KIAA0825: variants seen among roughly 807,000 people sequenced by gnomAD.
KIAA0825 encodes uncharacterized protein KIAA0825.
A neutral mutation model predicts 147.6 loss-of-function variants in KIAA0825; 119 were observed. That is an observed-to-expected ratio of 0.81 (90% CI 0.69 to 0.94). The LOEUF is 0.94. Ranked by LOEUF, KIAA0825 falls within the 40% of genes least tolerant of loss-of-function variation. The pLI is 0.00. For missense variants in KIAA0825, 1,381 were observed against 1,472.7 expected (o/e 0.94, Z 1.02); for synonymous variants, 470 against 518.1 (o/e 0.91, Z 1.26).
intron 15 of KIAA0825, among the ~76,000 whole-genome samples, chr5:94,407,799 G>C (rs894154271): frequency 4.6e-5 from 7 of 152,256 alleles, no homozygotes; most frequent in East Asian, 1.9e-4. Flanking sequence ...ACTGAACTGT[G>C]ATATTTTTAC....
intron 1 of KIAA0825, chr5:94,592,871 G>A (rs574796355): frequency 3.9e-5 from 23 of 590,386 alleles, no homozygotes; most frequent in South Asian, 3.3e-4. Flanking sequence ...CGACTCATCA[G>A]TTGTGAACCA....
At chr5:94,357,003 G>A (rs540789672) in intron 20 of KIAA0825, among the ~76,000 whole-genome samples, 2 of 152,098 alleles carry the variant, frequency 1.3e-5, no homozygotes, top group Non-Finnish European at 2.9e-5. Context: ...GATTACAGGC[G>A]TGAGCCACTG....
intron 20 of KIAA0825, among the ~76,000 whole-genome samples, chr5:94,350,166 C>A (rs1355728239): frequency 6.6e-6 from 1 of 152,130 alleles, no homozygotes; most frequent in Non-Finnish European, 1.5e-5. Flanking sequence ...TGCACATAAA[C>A]TAGGAAACCT....
At chr5:94,295,700 AGTTTGCTGGAGGTCCAGTCCAGACCCT>A (rs1562354327) in intron 20 of KIAA0825, among the ~76,000 whole-genome samples, 1 of 152,092 alleles carries the variant, frequency 6.6e-6, no homozygotes, top group South Asian at 2.1e-4. Context: ...GGTCTGCTGG[AGTTTGCTGGAGGTCCAGTCCAGACCCT>A]GTTTGACTAG....
In KIAA0825 at chr5:94,520,675, T is replaced by C; in HGVS notation, c.543A>G (p.Glu181=). 6.2e-7 allele frequency: 1 copy of C among 1,613,490 alleles called. No individual in the cohort carries two copies. Among genetic ancestry groups the C allele is most frequent in the Admixed American group, 1.7e-5 (1 of 59,966 alleles). The change falls in exon 5 of 21, where the codon GAA becomes GAG. Residue 181 remains glutamate, a synonymous_variant. Transcript: ENST00000682413. ...FLVSKLQSHN[E]INNSQQKILL... is the part of the protein sequence containing the mutation. ...AAATTTTTTGCTGTGAATTGTTTAT[T>C]TCATTATGGCTTTGTAATTTGCTCA...
At chr5:94,204,066 A>G (rs1178662071) in intron 20 of KIAA0825, among the ~76,000 whole-genome samples, 1 of 152,210 alleles carries the variant, frequency 6.6e-6, no homozygotes, top group East Asian at 1.9e-4. Context: ...AATTCAGCTT[A>G]AAATTTTCTT....
rs1243839219 is a variant in KIAA0825, at chr5:94,197,101, C to A, written c.3711-42977G>T. On this transcript the variant is annotated intron_variant, in intron 20 of 20. Transcript: ENST00000682413. ...TCCCCACCAGCAGTGTATGAGCATT[C>A]CCATTTTGCCACACCTTGTCAACAT... Among the ~76,000 whole-genome samples the A allele has an allele frequency of 2.0e-5, 3 of 152,248 alleles. No homozygotes were observed. The South Asian group carries it at 6.2e-4, about 32-fold the overall frequency.
In KIAA0825 at chr5:94,154,075, GTAT is replaced by G; in HGVS notation, c.3757_3759del (p.Ile1253del). 1.3e-6 allele frequency: 2 copies of G among 1,551,636 alleles called. No individual in the cohort carries two copies. The highest frequency in any genetic ancestry group is 1.7e-6 in the Non-Finnish European group (2 of 1,146,934). ...GTGCAAATTTGTTTTAAGTGCTCCA[GTAT>G]TGCTTTTTCTTCCTCTTCTAGTGTT... On this transcript the variant is annotated inframe_deletion, in exon 21 of 21. Coordinates refer to ENST00000682413, the MANE Select transcript of KIAA0825 (RefSeq NM_001145678.3).
At chr5:94,485,841 T>G (rs769188740) in intron 5 of KIAA0825, among the ~76,000 whole-genome samples, 2 of 151,826 alleles carry the variant, frequency 1.3e-5, no homozygotes, top group Non-Finnish European at 3.0e-5. Flanking sequence ...TTAAGGTAGC[T>G]ATTGAATCTA....
intron 10 of KIAA0825, among the ~76,000 whole-genome samples, chr5:94,468,275 C>A (rs1733498442): frequency 6.6e-6 from 1 of 152,102 alleles, no homozygotes; most frequent in African/African-American, 2.4e-5. Context: ...AACATAATAC[C>A]CCTATGTTGA....
At chr5:94,554,452 G>T (rs899788591) in intron 2 of KIAA0825, among the ~76,000 whole-genome samples, 10 of 151,914 alleles carry the variant, frequency 6.6e-5, no homozygotes, top group Non-Finnish European at 1.3e-4. Flanking sequence ...TCTTAAATAT[G>T]CACCAGCCTT....
intron 20 of KIAA0825, among the ~76,000 whole-genome samples, chr5:94,229,263 G>C (rs1252377434): frequency 6.6e-6 from 1 of 152,124 alleles, no homozygotes; most frequent in East Asian, 1.9e-4. Flanking sequence ...CTATCATGCT[G>C]TCTGAATTTT....
Position 94,167,916 on chromosome 5 carries a change from T to C in KIAA0825, c.3711-13792A>G, listed in dbSNP as rs911988641. On this transcript the variant is annotated intron_variant, in intron 20 of 20. Transcript: ENST00000682413. ...CTCCCCACAATTTATTTTGACCTAATTGAATGCTTTAATATCCAGAAAATG... is the reference window on the plus strand; with the variant it reads ...CTCCCCACAATTTATTTTGACCTAACTGAATGCTTTAATATCCAGAAAATG... Among the ~76,000 whole-genome samples the C allele has an allele frequency of 1.8e-4, 28 of 151,862 alleles. 1 individual carries two copies. Among genetic ancestry groups the C allele is most frequent in the African/African-American group, 6.7e-4 (28 of 41,522 alleles).
intron 20 of KIAA0825, among the ~76,000 whole-genome samples, chr5:94,175,996 C>T (rs564548797): frequency 1.2e-4 from 19 of 152,090 alleles, no homozygotes; most frequent in South Asian, 1.2e-3. Context: ...TTCTGAATTC[C>T]GTATCAAATT....
intron 13 of KIAA0825, among the ~76,000 whole-genome samples, chr5:94,446,058 T>C (rs1451250678): frequency 6.6e-6 from 1 of 152,316 alleles, no homozygotes; most frequent in South Asian, 2.1e-4. Flanking sequence ...CTGAGGATAC[T>C]AGAAGTCACC....
intron 20 of KIAA0825, among the ~76,000 whole-genome samples, chr5:94,267,386 G>T (rs1458365326): frequency 1.3e-5 from 2 of 151,834 alleles, no homozygotes; most frequent in Non-Finnish European, 2.9e-5. Context: ...TCCTCTGGTG[G>T]TCTTCCTAAA....
intron 1 of KIAA0825, among the ~76,000 whole-genome samples, chr5:94,583,729 G>A (rs540696675): frequency 6.6e-6 from 1 of 152,126 alleles, no homozygotes; most frequent in Non-Finnish European, 1.5e-5. Flanking sequence ...TCCTCAAGTG[G>A]GTCCCTGACC....
chr5:94,293,497 C>G (rs1584030174), intron 20 of KIAA0825, among the ~76,000 whole-genome samples: 2 of 152,184 alleles, frequency 1.3e-5, no homozygotes, highest in African/African-American at 4.8e-5. Flanking sequence ...GATTTCCATT[C>G]TTTTGCATTT....
At chr5:94,345,788 G>A (rs13156529) in intron 20 of KIAA0825, among the ~76,000 whole-genome samples, 5,231 of 152,000 alleles carry the variant, frequency 0.034, 149 homozygotes, top group East Asian at 0.092. Flanking sequence ...TTATTCAGCC[G>A]GGAGCTTCGA....
Sources: gnomAD v4.1 joint callset for allele counts (sites outside exome capture counted in the v4.1 genomes callset) on GRCh38, gnomAD v4.1.1 for gene constraint, MANE v1.5 for transcripts, NCBI Gene and HGNC (gene_info 2026-07-23, HGNC 2026-07-21) for gene names.